ZC3H18: variants seen among roughly 807,000 people sequenced by gnomAD.
The protein encoded by ZC3H18 is zinc finger CCCH domain-containing protein 18.
A neutral mutation model predicts 106.1 loss-of-function variants in ZC3H18; 8 were observed. The observed-to-expected ratio is 0.08, with a 90% CI of 0.04 to 0.14. ZC3H18 has a LOEUF of 0.14. ZC3H18 is among the 10% of genes least tolerant of loss of function. ZC3H18 has a pLI of 1.00. For synonymous variants in ZC3H18, 635 were observed against 522.1 expected (o/e 1.22, Z -2.95); for missense variants, 1,318 against 1,278.4 (o/e 1.03, Z -0.47).
chr16:88,581,631 C>G (rs1352197969), intron 2 of ZC3H18, among the ~76,000 whole-genome samples: 2 of 152,208 alleles, frequency 1.3e-5, no homozygotes, highest in South Asian at 2.1e-4. Context: ...CTGACACCAG[C>G]TGACCTTCAG....
At chr16:88,570,814 G>C (rs889187865) in intron 1 of ZC3H18, among the ~76,000 whole-genome samples, 3 of 152,130 alleles carry the variant, frequency 2.0e-5, no homozygotes, top group African/African-American at 4.8e-5. Context: ...CGAGCTCCTC[G>C]CGCGCTGCCT....
At chr16:88,572,907 G>A (rs1740965898) in intron 1 of ZC3H18, among the ~76,000 whole-genome samples, 2 of 152,028 alleles carry the variant, frequency 1.3e-5, no homozygotes, top group South Asian at 2.1e-4. Context: ...ACAGGCACGT[G>A]CCACCATGCC....
intron 16 of ZC3H18, chr16:88,630,271 C>T: frequency 5.9e-6 from 3 of 509,636 alleles, no homozygotes; most frequent in Non-Finnish European, 1.0e-5. Context: ...GAACCTGGGG[C>T]CCAGGTTTGG....
At chr16:88,623,180 C>T in intron 9 of ZC3H18, 39 bp from the exon 10 acceptor site, 1 of 1,602,044 alleles carries the variant, frequency 6.2e-7, no homozygotes, top group East Asian at 2.2e-5. Flanking sequence ...AGGGAGGGCC[C>T]TTCTCACTTC....
At position 88,591,281 on chromosome 16, in the gene ZC3H18, T is replaced by A. The variant is rs578037244; in HGVS notation, c.688+4597T>A. On this transcript the variant is annotated intron_variant, in intron 3 of 17. Coordinates refer to ENST00000301011, the MANE Select transcript of ZC3H18 (RefSeq NM_144604.4). ...CACTGCACCTGGCCTTCTGTCTTTT[T>A]AAGACTGAATAATAGGTGCGGTGGC... Among the ~76,000 whole-genome samples, 105 of 151,830 alleles carry A rather than the reference T, an allele frequency of 6.9e-4. 2 individuals are homozygous for A. The highest frequency in any genetic ancestry group is 2.5e-3 in the African/African-American group (102 of 41,494).
chr16:88,627,822 G>A lies in ZC3H18; in HGVS notation c.2269+40G>A, dbSNP rs1256259393. The A allele has an allele frequency of 1.2e-6, 2 of 1,610,034 alleles. No individual in the cohort carries two copies. The highest frequency in any genetic ancestry group is 4.5e-5 in the East Asian group (2 of 44,794). On this transcript the variant is annotated intron_variant, in intron 14 of 17. Transcript: ENST00000301011. The surrounding 1 kb of genome is among the most constrained non-coding windows in gnomAD (Gnocchi z 4.5). The stretch of plus-strand genomic sequence containing the variant: ...TGGTACCTTTGGGGAGCAGCTCCCG[G>A]GGGAGGAGGGCGGCATCAGCACAGA...
intron 6 of ZC3H18, among the ~76,000 whole-genome samples, chr16:88,604,419 G>T (rs1402372625): frequency 6.6e-6 from 1 of 151,622 alleles, no homozygotes; most frequent in African/African-American, 2.4e-5. Flanking sequence ...GGGCACAGTG[G>T]CTCACGCCTG....
At chr16:88,608,471 C>G (rs1905117717) in intron 6 of ZC3H18, 1 of 152,582 alleles carries the variant, frequency 6.6e-6, no homozygotes, top group African/African-American at 2.4e-5. Flanking sequence ...TCAAGTGATT[C>G]TCCTGCCTCA....
intron 8 of ZC3H18, among the ~76,000 whole-genome samples, chr16:88,619,425 C>G (rs1013093626): frequency 6.6e-6 from 1 of 152,180 alleles, no homozygotes; most frequent in African/African-American, 2.4e-5. Flanking sequence ...GTGGTGCGGC[C>G]GGCGGCAGCG....
At position 88,624,763 on chromosome 16, in the gene ZC3H18, C is replaced by T. The variant is rs563915857; in HGVS notation, c.2042+18C>T. On this transcript the variant is annotated intron_variant, in intron 12 of 17. Coordinates refer to ENST00000301011, the MANE Select transcript of ZC3H18 (RefSeq NM_144604.4). ...CCCAGGAGGTGAGCACTCCGGCGTC[C>T]GGGGCCCTCAGGCTTTCCGTGTTCT... 2.9e-5 allele frequency: 47 copies of T among 1,601,018 alleles called. No homozygotes were observed. Among genetic ancestry groups the T allele is most frequent in the African/African-American group, 1.2e-4 (9 of 74,448 alleles).
intron 5 of ZC3H18, among the ~76,000 whole-genome samples, 162 bp downstream of exon 5, chr16:88,598,874 T>C (rs1280510792): frequency 1.3e-5 from 2 of 152,214 alleles, no homozygotes; most frequent in South Asian, 2.1e-4. Context: ...ATTTATTTTT[T>C]TGGAGACAGA....
chr16:88,591,758 G>A (rs1399962470), intron 3 of ZC3H18, among the ~76,000 whole-genome samples: 1 of 152,260 alleles, frequency 6.6e-6, no homozygotes, highest in Non-Finnish European at 1.5e-5. Flanking sequence ...GTGCCTGGCA[G>A]TGGAGTTGCT....
chr16:88,586,807 A>AGGTGGTGGTGGT (rs113134808), intron 3 of ZC3H18, 123 bp downstream of exon 3: 5 of 493,804 alleles, frequency 1.0e-5, no homozygotes, highest in East Asian at 4.7e-5. Flanking sequence ...ATTACTGGCT[A>AGGTGGTGGTGGT]GGTGGTGGTG....
At chr16:88,580,204 G>A (rs986545963) in intron 2 of ZC3H18, among the ~76,000 whole-genome samples, 15 of 68,542 alleles carry the variant, frequency 2.2e-4, no homozygotes, top group South Asian at 2.0e-3. Context: ...GTGTGTGTGT[G>A]TGTGTATATG....
intron 2 of ZC3H18, among the ~76,000 whole-genome samples, chr16:88,581,960 G>A (rs1687884118): frequency 2.0e-5 from 3 of 152,132 alleles, no homozygotes; most frequent in South Asian, 4.1e-4. Flanking sequence ...TGATTAGCAG[G>A]CCTTCCGTCA....
chr16:88,573,123 G>C (rs536875599), intron 1 of ZC3H18, among the ~76,000 whole-genome samples: 6 of 152,098 alleles, frequency 3.9e-5, no homozygotes, highest in African/African-American at 1.4e-4. Context: ...GTTTATTTAA[G>C]AGATCACTTT....
In ZC3H18 at chr16:88,577,113, C is replaced by A; in HGVS notation, c.-11C>A. Reference sequence around the variant, plus strand: ...ATCTGTATTCTCTCTTTTGCAGAACCGTGGGTACCGATGGATGTGGCCGAG... The same window carrying A: ...ATCTGTATTCTCTCTTTTGCAGAACAGTGGGTACCGATGGATGTGGCCGAG... On this transcript the variant is annotated 5_prime_UTR_variant, in exon 2 of 18. Transcript: ENST00000301011. 1 of 1,522,084 alleles carries A rather than the reference C, an allele frequency of 6.6e-7. No individual in the cohort carries two copies. The highest frequency in any genetic ancestry group is 1.3e-5 in the South Asian group (1 of 76,852). 94.3% of individuals were successfully genotyped at this position (1,522,084 alleles called of 1,614,324 possible). A position where few individuals can be genotyped will look rare whatever the true frequency, so the allele number is the denominator to read the frequency against.
In ZC3H18 at chr16:88,625,321, G is replaced by A. The variant is rs538605581; in HGVS notation, c.2108+54G>A. The A allele has an allele frequency of 6.8e-5, 105 of 1,551,800 alleles. No homozygotes were observed. The South Asian group carries it at 1.2e-3, about 17-fold the overall frequency. On this transcript the variant is annotated intron_variant, in intron 13 of 17. Transcript: ENST00000301011. ...TCTCCCTCCCCGTCGGGGCCAGGAA[G>A]TCCCAGAAGCAGCCAGTGTGGGTTG...
At chr16:88,580,403 AG>A in intron 2 of ZC3H18, among the ~76,000 whole-genome samples, 1 of 152,200 alleles carries the variant, frequency 6.6e-6, no homozygotes, top group East Asian at 1.9e-4. Flanking sequence ...AGTGAGTGGA[AG>A]GTCCACGCTC....
Sources: allele counts gnomAD v4.1 joint callset (sites outside exome capture counted in the v4.1 genomes callset), GRCh38; gene constraint gnomAD v4.1.1; non-coding constraint Gnocchi (gnomAD v3.1); transcripts MANE v1.5; gene names NCBI Gene and HGNC (gene_info 2026-07-23, HGNC 2026-07-21).